The following CPED1 variants were observed in gnomAD, a reference collection of about 807,000 sequenced individuals.
CPED1 encodes the protein cadherin-like and PC-esterase domain-containing protein 1.
CPED1 carries 114 observed loss-of-function variants against 128.2 expected under a neutral mutation model. That is an observed-to-expected ratio of 0.89 (90% CI 0.76 to 1.04). The LOEUF (loss-of-function observed/expected upper bound fraction) is 1.04, where lower values mean the gene tolerates loss of function less well. Among genes scored for constraint, CPED1 ranks in the 50% least tolerant of loss-of-function variants. The pLI is 0.00. For synonymous variants in CPED1, 462 were observed against 426.7 expected (o/e 1.08, Z -1.02); for missense variants, 1,211 against 1,207.1 (o/e 1.00, Z -0.05).
intron 16 of CPED1, among the ~76,000 whole-genome samples, chr7:121,212,905 C>T (rs1048167994): frequency 6.6e-6 from 1 of 151,722 alleles, no homozygotes; most frequent in African/African-American, 2.4e-5. Flanking sequence ...GGACTGTTAT[C>T]CAAAAGTGGA....
chr7:121,012,734 G>A (rs372693072), intron 2 of CPED1, among the ~76,000 whole-genome samples: 1 of 152,290 alleles, frequency 6.6e-6, no homozygotes, highest in East Asian at 1.9e-4. Context: ...ATAATACAAC[G>A]TAATTCTACT....
chr7:121,282,818 C>T (rs1197811494), intron 22 of CPED1, among the ~76,000 whole-genome samples: 3 of 152,130 alleles, frequency 2.0e-5, no homozygotes. Flanking sequence ...CATTCTTGTT[C>T]TTACTTCAAG....
At chr7:121,051,482 C>G (rs1400797943) in intron 4 of CPED1, 2 of 478,474 alleles carry the variant, frequency 4.2e-6, no homozygotes, top group Admixed American at 5.5e-5. Flanking sequence ...CGGGTGTCAG[C>G]TTAACATTCC....
At chr7:121,261,784 A>G (rs2116736446) in intron 18 of CPED1, 1 of 1,516,374 alleles carries the variant, frequency 6.6e-7, no homozygotes, top group East Asian at 2.4e-5. Context: ...ATAAACTTTA[A>G]TTGGGTTTGA....
chr7:121,091,888 T>A (rs1328972973), intron 5 of CPED1, among the ~76,000 whole-genome samples: 1 of 152,222 alleles, frequency 6.6e-6, no homozygotes, highest in African/African-American at 2.4e-5. Context: ...CAACTATCTA[T>A]AATGTGCTGG....
At chr7:121,036,456 CT>C (rs1270204314) in intron 3 of CPED1, among the ~76,000 whole-genome samples, 4 of 148,550 alleles carry the variant, frequency 2.7e-5, no homozygotes, top group South Asian at 2.1e-4. Flanking sequence ...TATTTCATTC[CT>C]TTTTATGGTT....
intron 16 of CPED1, among the ~76,000 whole-genome samples, chr7:121,229,657 A>T (rs1798093615): frequency 6.6e-6 from 1 of 152,062 alleles, no homozygotes. Context: ...TGAAAATTTG[A>T]AATTTTATTT....
intron 7 of CPED1, among the ~76,000 whole-genome samples, chr7:121,101,677 C>A (rs1054435670): frequency 6.7e-6 from 1 of 150,144 alleles, no homozygotes; most frequent in African/African-American, 2.5e-5. Flanking sequence ...AAGTATGGAA[C>A]CAGCATCTGC....
At chr7:121,184,680 A>G (rs1255011672) in intron 16 of CPED1, among the ~76,000 whole-genome samples, 4 of 152,184 alleles carry the variant, frequency 2.6e-5, no homozygotes, top group Admixed American at 2.6e-4. Context: ...GGCAATAAAA[A>G]TAGAGTAAGA....
At chr7:121,041,949 C>G (rs1410875370) in intron 3 of CPED1, among the ~76,000 whole-genome samples, 1 of 152,048 alleles carries the variant, frequency 6.6e-6, no homozygotes, top group Non-Finnish European at 1.5e-5. Context: ...TTATCAGCAG[C>G]TTTGCTTCCA....
intron 16 of CPED1, among the ~76,000 whole-genome samples, chr7:121,228,809 T>C (rs145157628): frequency 6.6e-6 from 1 of 151,966 alleles, no homozygotes; most frequent in Non-Finnish European, 1.5e-5. Context: ...CCATAAAAAA[T>C]GAAATTACTT....
chr7:121,127,830 G>A (rs1157017866), intron 10 of CPED1, among the ~76,000 whole-genome samples: 1 of 151,888 alleles, frequency 6.6e-6, no homozygotes, highest in Non-Finnish European at 1.5e-5. Flanking sequence ...TGGATATTAT[G>A]AATAATATGT....
At chr7:121,277,461 A>G (rs1174058949) in intron 22 of CPED1, among the ~76,000 whole-genome samples, 1 of 152,132 alleles carries the variant, frequency 6.6e-6, no homozygotes, top group Admixed American at 6.6e-5. Context: ...GCCCAGACTC[A>G]TTGACATCCT....
At chr7:121,253,739 C>G (rs1028613480) in intron 18 of CPED1, among the ~76,000 whole-genome samples, 7 of 151,584 alleles carry the variant, frequency 4.6e-5, no homozygotes, top group African/African-American at 1.7e-4. Flanking sequence ...GAAAGTTATA[C>G]CATACAAACA....
chr7:121,163,083 C>T (rs1005266745), intron 16 of CPED1, among the ~76,000 whole-genome samples: 1 of 152,200 alleles, frequency 6.6e-6, no homozygotes, highest in East Asian at 1.9e-4. Flanking sequence ...TGAATATCTC[C>T]TCCAGTTCTA....
chr7:121,286,273 AT>A (rs752383595), intron 22 of CPED1, among the ~76,000 whole-genome samples: 41 of 152,236 alleles, frequency 2.7e-4, no homozygotes, highest in Non-Finnish European at 4.9e-4. Context: ...AGGAACTACA[AT>A]TCACGATGAG....
At chr7:121,170,921 A>G (rs1796637687) in intron 16 of CPED1, among the ~76,000 whole-genome samples, 1 of 151,918 alleles carries the variant, frequency 6.6e-6, no homozygotes, top group Admixed American at 6.6e-5. Flanking sequence ...GTGGTGGCCC[A>G]TGTCTGTAAT....
At chr7:121,155,151 A>G (rs1212798700) in intron 16 of CPED1, among the ~76,000 whole-genome samples, 2 of 152,206 alleles carry the variant, frequency 1.3e-5, no homozygotes, top group Admixed American at 1.3e-4. Flanking sequence ...ACTAGGAATC[A>G]ATCTAACTAA....
intron 2 of CPED1, among the ~76,000 whole-genome samples, chr7:120,993,078 T>C (rs1455518761): frequency 2.0e-5 from 3 of 152,190 alleles, no homozygotes; most frequent in Admixed American, 2.0e-4. Context: ...TTCTTCTGAG[T>C]TTTCTCTCAA....
Sources: allele counts gnomAD v4.1 joint callset (sites outside exome capture counted in the v4.1 genomes callset), GRCh38; gene constraint gnomAD v4.1.1; transcripts MANE v1.5; gene names NCBI Gene and HGNC (gene_info 2026-07-23, HGNC 2026-07-21).